The following IL17RE variants were observed in gnomAD, a reference collection of about 807,000 sequenced individuals.
IL17RE encodes interleukin 17 receptor E.
In IL17RE, 47 loss-of-function variants were observed where a neutral mutation model predicts 70.7. The observed-to-expected ratio is 0.67, with a 90% CI of 0.53 to 0.85. The LOEUF (loss-of-function observed/expected upper bound fraction) is 0.85. IL17RE is among the 40% of genes least tolerant of loss of function. The pLI is 0.00. For synonymous variants in IL17RE, 372 were observed against 381.2 expected (o/e 0.98, Z 0.28); for missense variants, 850 against 893.9 (o/e 0.95, Z 0.63).
chr3:9,907,143 G>C (rs747454844), intron 6 of IL17RE, 43 bp downstream of exon 6: 10 of 1,611,008 alleles, frequency 6.2e-6, no homozygotes, highest in Non-Finnish European at 7.6e-6. Flanking sequence ...ATCACACAGT[G>C]CTAGCAAAAG....
chr3:9,903,563 A>G (rs2082685936), intron 2 of IL17RE, 151 bp downstream of exon 2: 1 of 831,076 alleles, frequency 1.2e-6, no homozygotes, highest in Non-Finnish European at 1.9e-6. Flanking sequence ...CTGGGTTCAC[A>G]TTGCAGTTCT....
chr3:9,913,791 G>A (rs2082947611), intron 12 of IL17RE, among the ~76,000 whole-genome samples, 165 bp from the exon 13 acceptor site: 1 of 152,230 alleles, frequency 6.6e-6, no homozygotes, highest in Non-Finnish European at 1.5e-5. Flanking sequence ...AAGATCAGTG[G>A]GAGCCGGAGT....
chr3:9,911,440 C>T lies in IL17RE; in HGVS notation c.1073-3C>T. On this transcript the variant is annotated splice_polypyrimidine_tract_variant and splice_region_variant and intron_variant, in intron 11 of 15. Transcript: ENST00000383814. Reference sequence around the variant, plus strand: ...ATCAACACCCCCACCCCGCCCCAAACAGGGTCTCTCACATCCTGGAATGTA... The same window carrying T: ...ATCAACACCCCCACCCCGCCCCAAATAGGGTCTCTCACATCCTGGAATGTA... The T allele has an allele frequency of 6.2e-7, 1 of 1,614,060 alleles. No individual in the cohort carries two copies. Among genetic ancestry groups the T allele is most frequent in the Non-Finnish European group, 8.5e-7 (1 of 1,179,916 alleles).
In IL17RE at chr3:9,907,109, T is replaced by A. The variant is rs376495740; in HGVS notation, c.666+9T>A. The stretch of plus-strand genomic sequence containing the variant: ...GTCCCTATGATGTCCAGGTATGGTG[T>A]GTCATCCCCCTGTAAAAAGCCCGAT... On this transcript the variant is annotated intron_variant, in intron 6 of 15. Transcript: ENST00000383814. 8.4e-5 allele frequency: 135 copies of A among 1,614,038 alleles called. No homozygotes were observed. The highest frequency in any genetic ancestry group is 1.1e-4 in the Non-Finnish European group (131 of 1,179,980).
Position 9,915,135 on chromosome 3 carries a change from G to A in IL17RE, c.1448-116G>A. ...CGGTACCAACCCCCAGAGCAAATAA[G>A]GGGCGGGGGCGGGGGCGGAGAGGCG... On this transcript the variant is annotated intron_variant, in intron 15 of 15. Transcript: ENST00000383814. The surrounding 1 kb of genome is among the most constrained non-coding windows in gnomAD (Gnocchi z 4.9). 1 of 1,285,990 alleles carries A rather than the reference G, an allele frequency of 7.8e-7. No homozygotes were observed. Among genetic ancestry groups the A allele is most frequent in the Non-Finnish European group, 9.8e-7 (1 of 1,018,028 alleles). 79.7% of individuals were successfully genotyped at this position (1,285,990 alleles called of 1,614,324 possible).
intron 1 of IL17RE, 141 bp downstream of exon 1, chr3:9,903,205 T>A: frequency 1.0e-6 from 1 of 962,196 alleles, no homozygotes; most frequent in Non-Finnish European, 1.6e-6. Context: ...CTCAAAGGGG[T>A]AGCCAAGGTC....
chr3:9,911,682 G>A (rs2082896999), intron 12 of IL17RE, 85 bp downstream of exon 12: 1 of 1,294,010 alleles, frequency 7.7e-7, no homozygotes, highest in South Asian at 1.4e-5. Context: ...ACCCTGGGAA[G>A]GCAGAAACAA....
Position 9,910,998 on chromosome 3 carries a change from T to G in IL17RE, c.936T>G (p.Leu312=). Residue 312 remains leucine (L), a synonymous_variant, in exon 9 of 16, where the codon CTT becomes CTG. Coordinates refer to ENST00000383814, the MANE Select transcript of IL17RE (RefSeq NM_153480.2). The part of the protein sequence containing the change: ...ALCQRHDWHT[L]CKDLPNATAR... ...GCCAGAGGCACGACTGGCATACCCT[T>G]TGCAAAGACCTCCCGAATGCCACAG... 6.2e-7 allele frequency: 1 copy of G among 1,614,110 alleles called. No individual in the cohort carries two copies. The highest frequency in any genetic ancestry group is 8.5e-7 in the Non-Finnish European group (1 of 1,180,018).
At position 9,913,956 on chromosome 3, in the gene IL17RE, G is replaced by GC; in HGVS notation, c.1231dup (p.Arg411ProfsTer100). ...GCCTTTCTGCTCTTTGTTTCTACAG[G>GC]CCCGGGGCTCAAGCCCAGTGTCACT... On this transcript the variant is annotated frameshift_variant and splice_region_variant, in exon 13 of 16. Coordinates refer to ENST00000383814, the MANE Select transcript of IL17RE (RefSeq NM_153480.2). LOFTEE classifies it high-confidence loss of function. 2 of 1,613,766 alleles carry GC rather than the reference G, an allele frequency of 1.2e-6. No homozygotes were observed. Among genetic ancestry groups the GC allele is most frequent in the Admixed American group, 1.7e-5 (1 of 60,018 alleles).
At chr3:9,914,405 A>C (rs748326931) in intron 13 of IL17RE, 143 bp from the exon 14 acceptor site, 30 of 1,512,532 alleles carry the variant, frequency 2.0e-5, no homozygotes, top group Non-Finnish European at 2.5e-5. Flanking sequence ...GTGCCAGGCT[A>C]GCAGCTGGAG....
In IL17RE at chr3:9,902,921, G is replaced by A. The variant is rs776516251; in HGVS notation, c.-12G>A. On this transcript the variant is annotated 5_prime_UTR_variant, in exon 1 of 16. Coordinates refer to ENST00000383814, the MANE Select transcript of IL17RE (RefSeq NM_153480.2). ...CAGCCATGTTCCGGGAGCCCTAATT[G>A]CACAGAAGCCCATGGGGAGCTCCAG... The A allele has an allele frequency of 1.5e-5, 24 of 1,614,110 alleles. No homozygotes were observed. In the South Asian group the frequency reaches 2.4e-4, roughly 16 times the overall value.
rs370825250 is a variant in IL17RE, at chr3:9,906,500, A to G, written c.366+39A>G. ...CAGTTCCAGCCCTACCTGACGCCCC[A>G]CAGACCTTTGCTTTCTGGCCTCTCA... On this transcript the variant is annotated intron_variant, in intron 4 of 15. Transcript: ENST00000383814. 7.3e-6 allele frequency: 11 copies of G among 1,498,972 alleles called. No homozygotes were observed. The African/African-American group carries it at 1.4e-4, about 19-fold the overall frequency. 92.9% of individuals were successfully genotyped at this position (1,498,972 alleles called of 1,614,324 possible). A position where few individuals can be genotyped will look rare whatever the true frequency, so the allele number is the denominator to read the frequency against.
rs2083045979 is a variant in IL17RE at position 9,915,839 on chromosome 3, G to T, written c.*32G>T. 24 of 1,471,950 alleles carry T rather than the reference G, an allele frequency of 1.6e-5. No homozygotes were observed. The highest frequency in any genetic ancestry group is 2.0e-5 in the Non-Finnish European group (23 of 1,125,970). The allele number at this position is 1,471,950 out of a possible 1,614,324, so 91.2% of individuals were successfully genotyped here. ...CTCCACCGCAGTCCCGGGTGTCTGC[G>T]GCCGCAACGCAACGGACACTGGCTG... On this transcript the variant is annotated 3_prime_UTR_variant, in exon 16 of 16. Coordinates refer to ENST00000383814, the MANE Select transcript of IL17RE (RefSeq NM_153480.2). This position sits in a 1 kb window ranked among gnomAD's most constrained non-coding sequence, Gnocchi z 4.9.
chr3:9,915,794 C>A lies in IL17RE; in HGVS notation c.1991C>A (p.Ala664Glu), dbSNP rs560659267. Residue 664 changes from alanine (A) to glutamate (E), a missense_variant, in exon 16 of 16, where the codon GCA (alanine) becomes GAA (glutamate). Physicochemically the swap from Ala to Glu is moderately radical, Grantham distance 107 (BLOSUM62 -1). Transcript: ENST00000383814. This position sits in a 1 kb window ranked among gnomAD's most constrained non-coding sequence, Gnocchi z 4.9. ...SRLEREAARL[A>E]DLG ...CTCGAACGAGAGGCCGCCCGACTTG[C>A]AGACCTAGGTTGAGCAGAGCTCCAC... 9.1e-6 allele frequency: 14 copies of A among 1,533,136 alleles called. No homozygotes were observed. The African/African-American group carries it at 2.0e-4, about 22-fold the overall frequency. 95.0% of individuals were successfully genotyped at this position (1,533,136 alleles called of 1,614,324 possible).
At position 9,904,123 on chromosome 3, in the gene IL17RE, G is replaced by A; in HGVS notation, c.240G>A (p.Leu80=). ...GAGTCTGGCACTGTTCCCGCTGTTT[G>A]TGCCAGCATCTGCTGTCAGGTGGCT... ...CVRVWHCSRC[L]CQHLLSGGSG... Residue 80 remains leucine, a synonymous_variant, in exon 3 of 16, where the codon TTG becomes TTA. Coordinates refer to ENST00000383814, the MANE Select transcript of IL17RE (RefSeq NM_153480.2). The A allele has an allele frequency of 6.2e-7, 1 of 1,614,186 alleles. No homozygotes were observed. The highest frequency in any genetic ancestry group is 8.5e-7 in the Non-Finnish European group (1 of 1,180,026).
At chr3:9,904,785 C>T (rs2082713891) in intron 3 of IL17RE, among the ~76,000 whole-genome samples, 1 of 149,598 alleles carries the variant, frequency 6.7e-6, no homozygotes, top group African/African-American at 2.5e-5. Context: ...AAAACTCCAT[C>T]TCCAAAAAAA....
intron 6 of IL17RE, among the ~76,000 whole-genome samples, chr3:9,907,723 C>T (rs990771925): frequency 1.1e-4 from 16 of 152,150 alleles, no homozygotes; most frequent in African/African-American, 3.6e-4. Context: ...TGTCTTGGTA[C>T]CCTTCCATCT....
chr3:9,916,092 C>T lies in IL17RE; in HGVS notation c.*285C>T, dbSNP rs2083060127. The stretch of plus-strand genomic sequence containing the variant: ...CCAGAACTCCAGAAAGAGCAGTGTG[C>T]TTATGCTTCAGTCCAGGCTGGAGAG... On this transcript the variant is annotated 3_prime_UTR_variant, in exon 16 of 16. Coordinates refer to ENST00000383814, the MANE Select transcript of IL17RE (RefSeq NM_153480.2). 3 of 372,906 alleles carry T rather than the reference C, an allele frequency of 8.0e-6. No individual in the cohort carries two copies. The highest frequency in any genetic ancestry group is 1.4e-5 in the Non-Finnish European group (3 of 215,992). The allele number at this position is 372,906 out of a possible 1,614,324, so 23.1% of individuals were successfully genotyped here.
Position 9,906,883 on chromosome 3 carries a change from C to T in IL17RE, c.526+18C>T, listed in dbSNP as rs538320914. The stretch of plus-strand genomic sequence containing the variant: ...GCATGGAGGTGGGCACTGGGTACAA[C>T]AGGAGATGGGTTCAGCTGAGTGGTG... On this transcript the variant is annotated intron_variant, in intron 5 of 15. Transcript: ENST00000383814. 3 of 1,614,112 alleles carry T rather than the reference C, an allele frequency of 1.9e-6. No homozygotes were observed. The highest frequency in any genetic ancestry group is 3.3e-5 in the Admixed American group (2 of 60,008).
Sources: allele counts gnomAD v4.1 joint callset (sites outside exome capture counted in the v4.1 genomes callset), GRCh38; gene constraint gnomAD v4.1.1; non-coding constraint Gnocchi (gnomAD v3.1); transcripts MANE v1.5; gene names NCBI Gene and HGNC (gene_info 2026-07-23, HGNC 2026-07-21).